The following NXPH1 variants were observed in gnomAD, a reference collection of about 807,000 sequenced individuals.
NXPH1 encodes the protein neurexophilin-1.
Under a neutral mutation model 23.7 loss-of-function variants are expected in NXPH1, and 5 were observed. The ratio of observed to expected loss-of-function variants is 0.21; its 90% CI spans 0.11 to 0.44. The LOEUF (loss-of-function observed/expected upper bound fraction) is 0.44, where lower values mean the gene tolerates loss of function less well. Among genes scored for constraint, NXPH1 ranks in the 20% least tolerant of loss-of-function variants. The pLI, the probability that NXPH1 is intolerant of heterozygous loss-of-function variation, is 0.99. For synonymous variants in NXPH1, 144 were observed against 122.2 expected (o/e 1.18, Z -1.18); for missense variants, 324 against 321.6 (o/e 1.01, Z -0.06).
chr7:8,749,701 A>T (rs1013880141), intron 2 of NXPH1, among the ~76,000 whole-genome samples: 5 of 152,186 alleles, frequency 3.3e-5, no homozygotes, highest in Non-Finnish European at 5.9e-5. Context: ...GGGGCATGGC[A>T]ATATAAGTCT....
chr7:8,443,007 C>T (rs1172360119), intron 2 of NXPH1, among the ~76,000 whole-genome samples: 2 of 152,252 alleles, frequency 1.3e-5, no homozygotes, highest in Admixed American at 1.3e-4. Flanking sequence ...AGGCTCCGCC[C>T]CGCCTGGTGC....
At chr7:8,690,090 T>C (rs1821201902) in intron 2 of NXPH1, among the ~76,000 whole-genome samples, 1 of 152,190 alleles carries the variant, frequency 6.6e-6, no homozygotes, top group Non-Finnish European at 1.5e-5. Context: ...AGAAAGAAGA[T>C]TGGATTATTT....
At chr7:8,623,512 C>T (rs1819920545) in intron 2 of NXPH1, among the ~76,000 whole-genome samples, 2 of 151,802 alleles carry the variant, frequency 1.3e-5, no homozygotes, top group Non-Finnish European at 2.9e-5. Flanking sequence ...GAGTAATTAA[C>T]TACAAACACA....
chr7:8,738,895 G>A (rs896629916), intron 2 of NXPH1, among the ~76,000 whole-genome samples: 3 of 152,110 alleles, frequency 2.0e-5, no homozygotes, highest in South Asian at 2.1e-4. Context: ...CACCCAATCC[G>A]AACTTCCCCC....
chr7:8,435,717 C>A lies in NXPH1; in HGVS notation c.4C>A (p.Gln2Lys). 1 of 1,613,884 alleles carries A rather than the reference C, an allele frequency of 6.2e-7. No individual in the cohort carries two copies. Among genetic ancestry groups the A allele is most frequent in the Non-Finnish European group, 8.5e-7 (1 of 1,179,794 alleles). The change falls in exon 2 of 3, where the codon CAG becomes AAG. Residue 2 changes from glutamine (Q) to lysine (K), a missense_variant. Physicochemically the swap from Gln to Lys is moderately conservative, Grantham distance 53 (BLOSUM62 1). Transcript: ENST00000405863. The surrounding 1 kb of genome is among the most constrained non-coding windows in gnomAD (Gnocchi z 5.9). M[Q>K]AACWYVLFLL... Reference sequence around the variant, plus strand: ...AGGAAGTTTGAGACGCGGGAGAATGCAGGCTGCGTGCTGGTACGTGCTTTT... The same window carrying A: ...AGGAAGTTTGAGACGCGGGAGAATGAAGGCTGCGTGCTGGTACGTGCTTTT...
chr7:8,567,048 T>C (rs1468724447), intron 2 of NXPH1, among the ~76,000 whole-genome samples: 1 of 151,896 alleles, frequency 6.6e-6, no homozygotes, highest in African/African-American at 2.4e-5. Flanking sequence ...CTCTCACACA[T>C]ACACATCTGT....
intron 2 of NXPH1, among the ~76,000 whole-genome samples, chr7:8,448,267 C>T (rs912774491): frequency 1.3e-5 from 2 of 152,158 alleles, no homozygotes; most frequent in African/African-American, 4.8e-5. Flanking sequence ...AGAAAGGTGA[C>T]TGGTACAATG....
chr7:8,691,909 T>C (rs918518963), intron 2 of NXPH1, among the ~76,000 whole-genome samples: 1 of 152,138 alleles, frequency 6.6e-6, no homozygotes, highest in Non-Finnish European at 1.5e-5. Flanking sequence ...TGCTGCCTTC[T>C]AGGTTAGGGA....
chr7:8,493,974 G>A (rs964285465), intron 2 of NXPH1, among the ~76,000 whole-genome samples: 5 of 151,942 alleles, frequency 3.3e-5, no homozygotes, highest in Non-Finnish European at 1.5e-5. Context: ...AATAAAATGA[G>A]GGTAAGCTTA....
chr7:8,716,951 A>G (rs1276650689), intron 2 of NXPH1, among the ~76,000 whole-genome samples: 1 of 152,202 alleles, frequency 6.6e-6, no homozygotes. Context: ...TTAGTACAGC[A>G]GTGAGGCTCC....
chr7:8,634,196 G>A (rs141489031), intron 2 of NXPH1, among the ~76,000 whole-genome samples: 195 of 152,216 alleles, frequency 1.3e-3, no homozygotes, highest in African/African-American at 4.5e-3. Flanking sequence ...CCGGTGGTAC[G>A]TAATTGAATC....
At chr7:8,603,337 AG>A (rs1819406121) in intron 2 of NXPH1, among the ~76,000 whole-genome samples, 2 of 152,190 alleles carry the variant, frequency 1.3e-5, no homozygotes, top group African/African-American at 4.8e-5. Context: ...CCAGGTAGCA[AG>A]GTGTATTACA....
chr7:8,493,819 A>G lies in NXPH1; in HGVS notation c.54+58052A>G, dbSNP rs533884500. 3.9e-5 allele frequency among the ~76,000 whole-genome samples: 6 copies of G among 152,144 alleles called. No homozygotes were observed. In the South Asian group the frequency reaches 6.2e-4, roughly 16 times the overall value. On this transcript the variant is annotated intron_variant, in intron 2 of 2. Transcript: ENST00000405863. The stretch of plus-strand genomic sequence containing the variant: ...AGTCAGATGCGATACTTGTGAGTAC[A>G]TGAAAAGTTAGCTCTTTCTCTCTCG...
intron 2 of NXPH1, among the ~76,000 whole-genome samples, chr7:8,745,194 T>C (rs1046172646): frequency 2.6e-5 from 4 of 152,228 alleles, no homozygotes; most frequent in African/African-American, 9.6e-5. Context: ...ATTTTCTTTT[T>C]TTCCCCTTTC....
At chr7:8,553,820 A>G (rs906727059) in intron 2 of NXPH1, among the ~76,000 whole-genome samples, 20 of 151,640 alleles carry the variant, frequency 1.3e-4, no homozygotes, top group African/African-American at 4.8e-4. Flanking sequence ...TAAAAATAAA[A>G]CAAACTACAG....
chr7:8,486,755 C>T (rs1218348598), intron 2 of NXPH1, among the ~76,000 whole-genome samples: 1 of 152,092 alleles, frequency 6.6e-6, no homozygotes, highest in Non-Finnish European at 1.5e-5. Flanking sequence ...TTCTTTCTGA[C>T]CTCATAATTT....
chr7:8,505,259 A>C (rs1012015867), intron 2 of NXPH1, among the ~76,000 whole-genome samples: 1 of 151,956 alleles, frequency 6.6e-6, no homozygotes, highest in African/African-American at 2.4e-5. Flanking sequence ...TGAGACCTCC[A>C]GTCACTGCTT....
intron 2 of NXPH1, among the ~76,000 whole-genome samples, chr7:8,682,066 G>A (rs1821062093): frequency 6.6e-6 from 1 of 152,168 alleles, no homozygotes; most frequent in Non-Finnish European, 1.5e-5. Context: ...GGGTCTGAAT[G>A]GGTGCTGGGG....
chr7:8,671,607 G>C (rs1820870232), intron 2 of NXPH1, among the ~76,000 whole-genome samples: 1 of 152,066 alleles, frequency 6.6e-6, no homozygotes, highest in Non-Finnish European at 1.5e-5. Context: ...GAATGGTTCT[G>C]TGATGGTTTT....
Sources: allele counts gnomAD v4.1 joint callset (sites outside exome capture counted in the v4.1 genomes callset), GRCh38; gene constraint gnomAD v4.1.1; non-coding constraint Gnocchi (gnomAD v3.1); transcripts MANE v1.5; gene names NCBI Gene and HGNC (gene_info 2026-07-23, HGNC 2026-07-21).